Variants in ZBTB7C observed in about 807,000 individuals in gnomAD.
The protein encoded by ZBTB7C is zinc finger and BTB domain-containing protein 7C.
A neutral mutation model predicts 25.7 loss-of-function variants in ZBTB7C; 8 were observed. The ratio of observed to expected loss-of-function variants is 0.31; its 90% confidence interval spans 0.18 to 0.56. The LOEUF (loss-of-function observed/expected upper bound fraction) is 0.56, where lower values mean the gene tolerates loss of function less well. Ranked by LOEUF, ZBTB7C falls within the 20% of genes least tolerant of loss-of-function variation. The probability of loss-of-function intolerance (pLI) is 0.91; values close to 1 mark genes in which losing one functional copy is unlikely to be tolerated. For missense variants in ZBTB7C, 824 were observed against 855.2 expected (o/e 0.96, Z 0.46); for synonymous variants, 394 against 369.0 (o/e 1.07, Z -0.78).
chr18:48,201,603 T>C (rs1269503186), intron 2 of ZBTB7C, among the ~76,000 whole-genome samples: 1 of 151,814 alleles, frequency 6.6e-6, no homozygotes, highest in Non-Finnish European at 1.5e-5. Flanking sequence ...GTCCTGCCTC[T>C]CCTCCTGCCT....
intron 3 of ZBTB7C, among the ~76,000 whole-genome samples, chr18:48,119,787 A>C (rs1376868903): frequency 6.6e-6 from 1 of 152,174 alleles, no homozygotes; most frequent in African/African-American, 2.4e-5. Context: ...TGGTGAGGAC[A>C]TACCAACATA....
rs1383436667 is a variant in ZBTB7C at position 48,028,939 on chromosome 18, A to C, written c.*321T>G. The C allele has an allele frequency of 2.9e-6, 1 of 343,778 alleles. No individual in the cohort carries two copies. The highest frequency in any genetic ancestry group is 7.6e-5 in the East Asian group (1 of 13,182). The allele number at this position is 343,778 out of a possible 1,614,324, so 21.3% of individuals were successfully genotyped here. A position where few individuals can be genotyped will look rare whatever the true frequency, so the allele number is the denominator to read the frequency against. ...GCCAACCACCCCCTGACCCCTCATG[A>C]CTCACCCAGCTCCTAAGTGCCCCTG... On this transcript the variant is annotated 3_prime_UTR_variant, in exon 5 of 5. Coordinates refer to ENST00000590800, the MANE Select transcript of ZBTB7C (RefSeq NM_001318841.2).
intron 3 of ZBTB7C, among the ~76,000 whole-genome samples, chr18:48,176,553 C>G (rs931241218): frequency 1.3e-5 from 2 of 151,838 alleles, no homozygotes; most frequent in African/African-American, 4.8e-5. Flanking sequence ...TATACCTATC[C>G]TTGGGAAACA....
At position 48,288,450 on chromosome 18, in the gene ZBTB7C, C is replaced by T. The variant is rs142854946; in HGVS notation, c.-79+49724G>A. On this transcript the variant is annotated intron_variant, in intron 2 of 4. Coordinates refer to ENST00000590800, the MANE Select transcript of ZBTB7C (RefSeq NM_001318841.2). ...ATCACCTGAGGCCAGGAGTTCGGGA[C>T]CAGCCTGGCCAACATGGTGAAATAC... Among the ~76,000 whole-genome samples, 546 of 151,586 alleles carry T rather than the reference C, an allele frequency of 3.6e-3. 4 individuals carry two copies. Among genetic ancestry groups the T allele is most frequent in the African/African-American group, 0.013 (524 of 41,254 alleles).
intron 3 of ZBTB7C, among the ~76,000 whole-genome samples, chr18:48,121,978 G>A (rs190788459): frequency 1.5e-4 from 23 of 152,268 alleles, no homozygotes; most frequent in Admixed American, 1.2e-3. Context: ...TGTGCCTGGG[G>A]CCCAGTGACA....
intron 2 of ZBTB7C, among the ~76,000 whole-genome samples, chr18:48,316,964 T>G (rs28670924): frequency 0.011 from 1,710 of 152,324 alleles, 31 homozygotes; most frequent in African/African-American, 0.04. Flanking sequence ...CACGCGAACT[T>G]GTCTTGCACA....
At chr18:48,351,148 A>G (rs9304364) in intron 1 of ZBTB7C, among the ~76,000 whole-genome samples, 54,467 of 151,180 alleles carry the variant, frequency 0.36, 10,917 homozygotes, top group East Asian at 0.7. Flanking sequence ...GTACACACAC[A>G]CTCCCCACCC....
chr18:48,203,028 C>G (rs1195479744), intron 2 of ZBTB7C, among the ~76,000 whole-genome samples: 1 of 152,102 alleles, frequency 6.6e-6, no homozygotes, highest in East Asian at 1.9e-4. Flanking sequence ...TCACCCTCAC[C>G]CAGCCACGGC....
At chr18:48,145,017 T>TG (rs1013238586) in intron 3 of ZBTB7C, among the ~76,000 whole-genome samples, 2 of 152,150 alleles carry the variant, frequency 1.3e-5, no homozygotes, top group African/African-American at 2.4e-5. Flanking sequence ...CCTGGTTCTT[T>TG]GGGGAGGCCT....
At chr18:48,078,364 C>T (rs2037854608) in intron 3 of ZBTB7C, among the ~76,000 whole-genome samples, 2 of 152,174 alleles carry the variant, frequency 1.3e-5, no homozygotes, top group Admixed American at 1.3e-4. Context: ...GGCTGTCTGA[C>T]TCTGCAGAGA....
intron 3 of ZBTB7C, among the ~76,000 whole-genome samples, chr18:48,101,474 T>C (rs1049094421): frequency 6.6e-6 from 1 of 152,234 alleles, no homozygotes; most frequent in East Asian, 1.9e-4. Flanking sequence ...ACATTTGATA[T>C]TGCTTTTTTC....
intron 2 of ZBTB7C, among the ~76,000 whole-genome samples, chr18:48,200,792 A>G (rs1205116157): frequency 6.6e-6 from 1 of 152,244 alleles, no homozygotes; most frequent in Non-Finnish European, 1.5e-5. Flanking sequence ...CCTGATGGCC[A>G]AGCAGCCTCT....
chr18:48,112,659 G>A (rs7236207), intron 3 of ZBTB7C, among the ~76,000 whole-genome samples: 12,244 of 152,062 alleles, frequency 0.081, 1,475 homozygotes, highest in African/African-American at 0.26. Flanking sequence ...TACTTTTACC[G>A]TTTTAAAAAA....
chr18:48,082,919 C>T (rs900852300), intron 3 of ZBTB7C, among the ~76,000 whole-genome samples: 2 of 152,164 alleles, frequency 1.3e-5, no homozygotes, highest in African/African-American at 4.8e-5. Flanking sequence ...GCCTCATGTC[C>T]TGGATGCAAA....
At chr18:48,306,996 C>G (rs1362232865) in intron 2 of ZBTB7C, among the ~76,000 whole-genome samples, 1 of 152,096 alleles carries the variant, frequency 6.6e-6, no homozygotes, top group Non-Finnish European at 1.5e-5. Context: ...ACCTCCTTAC[C>G]ACCTTCCCTC....
At chr18:48,231,889 G>T (rs528177338) in intron 2 of ZBTB7C, among the ~76,000 whole-genome samples, 3 of 152,322 alleles carry the variant, frequency 2.0e-5, no homozygotes, top group Admixed American at 6.5e-5. Flanking sequence ...TTGTGGTAGG[G>T]TCTGGTCCCG....
At chr18:48,031,065 C>G (rs2035727900) in intron 4 of ZBTB7C, among the ~76,000 whole-genome samples, 1 of 152,164 alleles carries the variant, frequency 6.6e-6, no homozygotes, top group East Asian at 1.9e-4. Flanking sequence ...TCAGGCTCTG[C>G]TTTGAGGTTA....
chr18:48,043,857 A>ATTTTTC, intron 3 of ZBTB7C, among the ~76,000 whole-genome samples: 1 of 152,346 alleles, frequency 6.6e-6, no homozygotes, highest in East Asian at 1.9e-4. Context: ...CCACTAATCA[A>ATTTTTC]TCTCCTCGCT....
chr18:48,257,680 C>A, intron 2 of ZBTB7C, among the ~76,000 whole-genome samples: 1 of 150,690 alleles, frequency 6.6e-6, no homozygotes. Flanking sequence ...TAGAATTTGA[C>A]AATATTTTAA....
Sources: allele counts gnomAD v4.1 joint callset (sites outside exome capture counted in the v4.1 genomes callset), GRCh38; gene constraint gnomAD v4.1.1; transcripts MANE v1.5; gene names NCBI Gene and HGNC (gene_info 2026-07-23, HGNC 2026-07-21).